The following TRAPPC9 variants were observed in gnomAD, a reference collection of about 807,000 sequenced individuals.
TRAPPC9 encodes the protein IKK2 binding protein.
A neutral mutation model predicts 124.0 loss-of-function variants in TRAPPC9; 83 were observed. The ratio of observed to expected loss-of-function variants is 0.67; its 90% CI spans 0.56 to 0.80. TRAPPC9 has a LOEUF of 0.80. Ranked by LOEUF, TRAPPC9 falls within the 30% of genes least tolerant of loss-of-function variation. The pLI is 0.00. For missense variants in TRAPPC9, 1,302 were observed against 1,508.3 expected (o/e 0.86, Z 2.27); for synonymous variants, 638 against 617.5 (o/e 1.03, Z -0.49).
intron 17 of TRAPPC9, among the ~76,000 whole-genome samples, chr8:140,184,900 C>A (rs1010167354): frequency 1.3e-5 from 2 of 152,194 alleles, no homozygotes; most frequent in Admixed American, 6.5e-5. Flanking sequence ...CCGAGCCCAT[C>A]CCTCCCCAGA....
At chr8:140,174,635 A>G (rs1783950515) in intron 17 of TRAPPC9, among the ~76,000 whole-genome samples, 1 of 152,032 alleles carries the variant, frequency 6.6e-6, no homozygotes, top group African/African-American at 2.4e-5. Context: ...GGAATTGCCT[A>G]TTCTGGACAC....
intron 19 of TRAPPC9, among the ~76,000 whole-genome samples, chr8:139,980,940 T>C (rs142959915): frequency 1.1e-3 from 170 of 152,312 alleles, no homozygotes; most frequent in African/African-American, 3.9e-3. Flanking sequence ...CGAAGGTTTC[T>C]GAGGAACAAA....
intron 17 of TRAPPC9, among the ~76,000 whole-genome samples, chr8:140,034,073 T>C (rs1587547186): frequency 6.6e-6 from 1 of 152,226 alleles, no homozygotes; most frequent in African/African-American, 2.4e-5. Context: ...CTCTTTTTGA[T>C]ACACCTGCTA....
intron 17 of TRAPPC9, among the ~76,000 whole-genome samples, chr8:140,213,728 C>T (rs1184972856): frequency 6.6e-6 from 1 of 152,234 alleles, no homozygotes; most frequent in Admixed American, 6.5e-5. Flanking sequence ...AACCAACAGG[C>T]TCCCCAAAGC....
At chr8:140,448,176 C>A (rs1327703779) in intron 2 of TRAPPC9, among the ~76,000 whole-genome samples, 3 of 150,936 alleles carry the variant, frequency 2.0e-5, no homozygotes, top group Non-Finnish European at 4.4e-5. Context: ...AATTAGAGAA[C>A]CATGGAGAAA....
At chr8:139,925,214 T>TG (rs1483915541) in intron 19 of TRAPPC9, among the ~76,000 whole-genome samples, 3 of 152,004 alleles carry the variant, frequency 2.0e-5, no homozygotes, top group Non-Finnish European at 2.9e-5. Flanking sequence ...CTCCACAGTG[T>TG]GGAAAAAAAT....
chr8:140,004,296 A>C (rs936866368), intron 18 of TRAPPC9, among the ~76,000 whole-genome samples: 8 of 152,176 alleles, frequency 5.3e-5, no homozygotes, highest in African/African-American at 1.9e-4. Context: ...TGTGTTGCTC[A>C]TTAAAGTTAG....
intron 19 of TRAPPC9, chr8:139,913,805 T>C (rs1831918194): frequency 6.6e-6 from 1 of 152,290 alleles, no homozygotes; most frequent in South Asian, 2.1e-4. Flanking sequence ...CAAGGATGAA[T>C]TCCCCAAACC....
intron 21 of TRAPPC9, among the ~76,000 whole-genome samples, chr8:139,747,807 T>C (rs182181230): frequency 3.8e-4 from 4 of 10,482 alleles, no homozygotes; most frequent in African/African-American, 1.7e-3. Context: ...GGGGTCAGAG[T>C]GGGTGTGGGG....
At position 140,132,652 on chromosome 8, in the gene TRAPPC9, C is replaced by T. The variant is rs368190416; in HGVS notation, c.2556+88807G>A. On this transcript the variant is annotated intron_variant, in intron 17 of 22. Coordinates refer to ENST00000438773, the MANE Select transcript of TRAPPC9 (RefSeq NM_001160372.4). ...ACCAAGTGAACCGAAAAGACCTTAG[C>T]CCTGGAGACCTCGGTCTAGTGGGCA... is the stretch of plus-strand genomic sequence containing the variant. Among the ~76,000 whole-genome samples, 4 of 152,150 alleles carry T rather than the reference C, an allele frequency of 2.6e-5. No homozygotes were observed. In the East Asian group the frequency reaches 5.8e-4, roughly 22 times the overall value.
At chr8:140,093,752 T>C (rs993855134) in intron 17 of TRAPPC9, among the ~76,000 whole-genome samples, 51 of 152,066 alleles carry the variant, frequency 3.4e-4, no homozygotes, top group African/African-American at 1.2e-3. Context: ...TGACCCCTCA[T>C]TGGGCAGAGA....
intron 18 of TRAPPC9, among the ~76,000 whole-genome samples, chr8:140,012,063 G>C (rs946795123): frequency 6.6e-6 from 1 of 152,154 alleles, no homozygotes; most frequent in Admixed American, 6.5e-5. Flanking sequence ...GCCCGCCTTG[G>C]CCTCCCAAAG....
At chr8:140,382,220 G>A (rs1253637465) in intron 7 of TRAPPC9, among the ~76,000 whole-genome samples, 2 of 152,236 alleles carry the variant, frequency 1.3e-5, no homozygotes, top group African/African-American at 2.4e-5. Flanking sequence ...GAGCGACACA[G>A]AAGATGAGTG....
At chr8:139,804,247 C>T (rs1823809976) in intron 21 of TRAPPC9, among the ~76,000 whole-genome samples, 1 of 143,130 alleles carries the variant, frequency 7.0e-6, no homozygotes, top group Non-Finnish European at 1.5e-5. Flanking sequence ...CCACCACCAC[C>T]ACCAAACACC....
chr8:139,868,659 C>T (rs1274608577), intron 21 of TRAPPC9, among the ~76,000 whole-genome samples: 1 of 152,190 alleles, frequency 6.6e-6, no homozygotes, highest in Non-Finnish European at 1.5e-5. Flanking sequence ...ACGCTTTGTT[C>T]TCTCCCCTAA....
chr8:140,426,578 A>G (rs770862840), intron 5 of TRAPPC9, 37 bp downstream of exon 5: 28 of 1,607,732 alleles, frequency 1.7e-5, no homozygotes. Context: ...GCACTTAAAA[A>G]AATAACCAAA....
intron 19 of TRAPPC9, among the ~76,000 whole-genome samples, chr8:139,957,580 A>G (rs1167483971): frequency 1.3e-5 from 2 of 152,184 alleles, no homozygotes; most frequent in Non-Finnish European, 2.9e-5. Context: ...ACGTGTGCTC[A>G]GTACACAGAG....
intron 17 of TRAPPC9, among the ~76,000 whole-genome samples, chr8:140,126,306 T>C (rs1431522210): frequency 6.8e-6 from 1 of 146,836 alleles, no homozygotes; most frequent in Non-Finnish European, 1.5e-5. Flanking sequence ...ATCTGGAGCA[T>C]CTTAACCGTG....
At chr8:139,775,056 T>G (rs1821266995) in intron 21 of TRAPPC9, among the ~76,000 whole-genome samples, 1 of 152,178 alleles carries the variant, frequency 6.6e-6, no homozygotes, top group African/African-American at 2.4e-5. Context: ...CAAGAATGTC[T>G]AAGGGCCAGA....
Sources: allele counts gnomAD v4.1 joint callset (sites outside exome capture counted in the v4.1 genomes callset), GRCh38; gene constraint gnomAD v4.1.1; transcripts MANE v1.5; gene names NCBI Gene and HGNC (gene_info 2026-07-23, HGNC 2026-07-21).